Variants in NKAIN3 observed in about 807,000 individuals in gnomAD.
NKAIN3 encodes the protein sodium/potassium transporting ATPase interacting 3.
Under a neutral mutation model 30.2 loss-of-function variants are expected in NKAIN3, and 25 were observed. That is an observed-to-expected ratio of 0.83 (90% confidence interval 0.60 to 1.16). The LOEUF is 1.16. NKAIN3 is among the 50% of genes most tolerant of loss of function. The pLI is 0.00. For missense variants in NKAIN3, 225 were observed against 254.1 expected, an observed-to-expected ratio of 0.89 and a Z score of 0.78; for synonymous variants, 91 against 89.6, an observed-to-expected ratio of 1.02 and a Z score of -0.09.
At chr8:62,475,693 C>T (rs62511488) in intron 1 of NKAIN3, among the ~76,000 whole-genome samples, 130 of 152,176 alleles carry the variant, frequency 8.5e-4, no homozygotes, top group Non-Finnish European at 1.6e-3. Context: ...ACAAGTGATT[C>T]TGGAGAATAC....
intron 1 of NKAIN3, among the ~76,000 whole-genome samples, chr8:62,500,477 GA>G (rs1157796502): frequency 5.0e-4 from 61 of 121,870 alleles, no homozygotes; most frequent in South Asian, 8.7e-4. Flanking sequence ...AAGAAAGAAA[GA>G]AAGAAAGAAG....
chr8:62,330,973 A>C, intron 1 of NKAIN3, among the ~76,000 whole-genome samples: 1 of 150,040 alleles, frequency 6.7e-6, no homozygotes, highest in Non-Finnish European at 1.5e-5. Context: ...ATTTTTCTCT[A>C]ATCTCTAGAC....
chr8:62,373,366 TA>T (rs1473554206), intron 1 of NKAIN3, among the ~76,000 whole-genome samples: 1 of 152,230 alleles, frequency 6.6e-6, no homozygotes, highest in Non-Finnish European at 1.5e-5. Flanking sequence ...TTATTTGAAA[TA>T]GCTGTATGAT....
intron 4 of NKAIN3, among the ~76,000 whole-genome samples, chr8:62,812,999 G>T (rs768272673): frequency 4.0e-5 from 6 of 151,854 alleles, no homozygotes; most frequent in Non-Finnish European, 7.4e-5. Flanking sequence ...TGTTGCTGAA[G>T]TAGTACCTTT....
At chr8:62,804,237 G>A (rs1301620826) in intron 4 of NKAIN3, among the ~76,000 whole-genome samples, 2 of 152,156 alleles carry the variant, frequency 1.3e-5, no homozygotes, top group Non-Finnish European at 2.9e-5. Context: ...AATAGGAAAA[G>A]AGGGAATCCT....
chr8:62,946,253 C>T (rs1264744775), intron 5 of NKAIN3, among the ~76,000 whole-genome samples: 8 of 152,272 alleles, frequency 5.3e-5, no homozygotes, highest in South Asian at 2.1e-4. Context: ...CAACCACCCC[C>T]GGGACATAAG....
intron 3 of NKAIN3, among the ~76,000 whole-genome samples, chr8:62,644,376 G>A (rs1586043101): frequency 6.6e-6 from 1 of 152,058 alleles, no homozygotes; most frequent in East Asian, 1.9e-4. Context: ...AAATAAATTA[G>A]GTGCAACATC....
intron 4 of NKAIN3, among the ~76,000 whole-genome samples, chr8:62,803,093 A>G (rs914549915): frequency 6.6e-6 from 1 of 152,134 alleles, no homozygotes; most frequent in Non-Finnish European, 1.5e-5. Flanking sequence ...ACCCAATATG[A>G]GAGCACCCAG....
intron 4 of NKAIN3, among the ~76,000 whole-genome samples, chr8:62,850,878 G>A (rs1586267369): frequency 1.3e-5 from 2 of 152,114 alleles, no homozygotes; most frequent in East Asian, 3.9e-4. Context: ...ATAGTTTGAA[G>A]TCAGGTAGCG....
At chr8:62,866,506 A>C (rs888562764) in intron 4 of NKAIN3, among the ~76,000 whole-genome samples, 9 of 152,224 alleles carry the variant, frequency 5.9e-5, no homozygotes, top group African/African-American at 2.2e-4. Flanking sequence ...TAATTGTAGA[A>C]TCCAAGACAC....
At chr8:62,360,071 T>A (rs2129592421) in intron 1 of NKAIN3, among the ~76,000 whole-genome samples, 1 of 152,290 alleles carries the variant, frequency 6.6e-6, no homozygotes, top group South Asian at 2.1e-4. Flanking sequence ...AATGCTCTTG[T>A]CTTGGAGGTG....
At position 62,968,385 on chromosome 8, in the gene NKAIN3, C is replaced by T. The variant is rs1002911705; in HGVS notation, c.*2978C>T. ...CTTATAGAATGCACTCTGCATTGTG[C>T]GTATCCAGTAGGGTTTTCAGCAAAG... On this transcript the variant is annotated 3_prime_UTR_variant, in exon 7 of 7. Transcript: ENST00000623646. Among the ~76,000 whole-genome samples the T allele has an allele frequency of 1.3e-5, 2 of 152,160 alleles. No individual in the cohort carries two copies. The highest frequency in any genetic ancestry group is 2.9e-5 in the Non-Finnish European group (2 of 68,034).
At chr8:62,469,908 C>T (rs1806279826) in intron 1 of NKAIN3, among the ~76,000 whole-genome samples, 1 of 152,218 alleles carries the variant, frequency 6.6e-6, no homozygotes, top group South Asian at 2.1e-4. Flanking sequence ...TCACACATCA[C>T]TTCTCTTCCA....
At chr8:62,517,241 A>G (rs937119557) in intron 1 of NKAIN3, among the ~76,000 whole-genome samples, 14 of 152,172 alleles carry the variant, frequency 9.2e-5, no homozygotes. Context: ...TGTTTTTAAA[A>G]TAAACTTGCC....
intron 1 of NKAIN3, chr8:62,482,897 T>G (rs1225110461): frequency 6.6e-6 from 1 of 152,304 alleles, no homozygotes; most frequent in Non-Finnish European, 1.5e-5. Flanking sequence ...GGAGTCAGGA[T>G]AGGAGGGCTG....
chr8:62,249,095 T>G lies in NKAIN3; in HGVS notation c.22T>G (p.Cys8Gly). The change falls in exon 1 of 7, where the codon TGC (cysteine) becomes GGC (glycine). Residue 8 changes from cysteine to glycine, a missense_variant. Physicochemically the swap from Cys to Gly is radical, Grantham distance 159. Transcript: ENST00000623646. ...CACCATGGGCTGCTGCACCGGACGCTGCTCGCTCATCTGCCTCTGCGCGCT... is the reference window on the plus strand; with the variant it reads ...CACCATGGGCTGCTGCACCGGACGCGGCTCGCTCATCTGCCTCTGCGCGCT... The part of the protein sequence containing the change: MGCCTGR[C>G]SLICLCALQL... 1 of 1,539,316 alleles carries G rather than the reference T, an allele frequency of 6.5e-7. No homozygotes were observed. The highest frequency in any genetic ancestry group is 8.7e-7 in the Non-Finnish European group (1 of 1,144,258).
intron 5 of NKAIN3, among the ~76,000 whole-genome samples, chr8:62,940,083 G>A (rs1822907398): frequency 6.6e-6 from 1 of 150,888 alleles, no homozygotes; most frequent in Non-Finnish European, 1.5e-5. Flanking sequence ...CATGTAAATG[G>A]ACACCAAAAG....
chr8:62,445,596 G>T (rs1174326114), intron 1 of NKAIN3, among the ~76,000 whole-genome samples: 2 of 152,074 alleles, frequency 1.3e-5, no homozygotes, highest in East Asian at 3.9e-4. Flanking sequence ...ATACAAGTTG[G>T]GGAGGCACCA....
At chr8:62,318,764 T>A (rs1318707271) in intron 1 of NKAIN3, among the ~76,000 whole-genome samples, 1 of 152,230 alleles carries the variant, frequency 6.6e-6, no homozygotes, top group African/African-American at 2.4e-5. Context: ...TTTGCATCGA[T>A]ATTCATCAGG....
Sources: gnomAD v4.1 joint callset for allele counts (sites outside exome capture counted in the v4.1 genomes callset) on GRCh38, gnomAD v4.1.1 for gene constraint, MANE v1.5 for transcripts, NCBI Gene and HGNC (gene_info 2026-07-23, HGNC 2026-07-21) for gene names.